DNAH5: variants seen among roughly 807,000 people sequenced by gnomAD.
DNAH5 encodes dynein axonemal heavy chain 5.
In DNAH5, 372 loss-of-function variants were observed where a neutral mutation model predicts 518.2. The ratio of observed to expected loss-of-function variants is 0.72; its 90% CI spans 0.66 to 0.78. The LOEUF is 0.78. Among genes scored for constraint, DNAH5 ranks in the 30% least tolerant of loss-of-function variants. The pLI is 0.00. For missense variants in DNAH5, 5,523 were observed against 5,687.0 expected (o/e 0.97, Z 0.93); for synonymous variants, 2,039 against 2,025.9 (o/e 1.01, Z -0.17).
At chr5:13,729,153 T>C (rs1746159200) in intron 69 of DNAH5, among the ~76,000 whole-genome samples, 1 of 152,212 alleles carries the variant, frequency 6.6e-6, no homozygotes, top group African/African-American at 2.4e-5. Context: ...ATTGGATCTA[T>C]CAGTTTTTCT....
At chr5:13,710,025 A>T (rs1743280463) in intron 75 of DNAH5, among the ~76,000 whole-genome samples, 1 of 152,156 alleles carries the variant, frequency 6.6e-6, no homozygotes, top group Non-Finnish European at 1.5e-5. Context: ...ACAGAGCATT[A>T]AACCACCAAA....
At chr5:13,946,558 T>C (rs1324937007), upstream of DNAH5, among the ~76,000 whole-genome samples, 2 of 152,192 alleles carry the variant, frequency 1.3e-5, no homozygotes, top group Non-Finnish European at 2.9e-5. Context: ...TCAAACATTG[T>C]TCGGTAGGAA....
intron 17 of DNAH5, among the ~76,000 whole-genome samples, chr5:13,886,364 T>G (rs750283835): frequency 6.6e-6 from 1 of 152,090 alleles, no homozygotes; most frequent in Non-Finnish European, 1.5e-5. Flanking sequence ...TTACAGGCAC[T>G]TCTCCACCAG....
Position 13,786,256 on chromosome 5 carries a change from G to T in DNAH5, c.8743C>A (p.Gln2915Lys). Residue 2915 changes from glutamine (Q) to lysine (K), a missense_variant, in exon 52 of 79, where the codon CAG (glutamine) becomes AAG (lysine). Coordinates refer to ENST00000265104, the MANE Select transcript of DNAH5 (RefSeq NM_001369.3). ...HLKERLNMFL[Q>K]LYNESIRGAG... ...CCACGGATGCTCTCATTATAGAGCT[G>T]CAGGAACATATTCAGACGCTCTTTT... The T allele has an allele frequency of 2.5e-6, 4 of 1,614,064 alleles. No individual in the cohort carries two copies. The East Asian group carries it at 8.9e-5, about 36-fold the overall frequency.
intron 22 of DNAH5, among the ~76,000 whole-genome samples, chr5:13,874,366 C>T (rs1375906863): frequency 6.6e-6 from 1 of 152,108 alleles, no homozygotes; most frequent in East Asian, 1.9e-4. Context: ...TTTAAAGTGT[C>T]TGTCTTTATT....
Position 13,928,161 on chromosome 5 carries a change from T to A in DNAH5, c.210A>T (p.Gln70His). 1 of 1,613,740 alleles carries A rather than the reference T, an allele frequency of 6.2e-7. No individual in the cohort carries two copies. Among genetic ancestry groups the A allele is most frequent in the Non-Finnish European group, 8.5e-7 (1 of 1,179,690 alleles). Residue 70 changes from glutamine to histidine, a missense_variant, in exon 3 of 79, where the codon CAA (glutamine) becomes CAT (histidine). By Grantham distance (24) the Gln-to-His change is conservative. This residue lies in a region of DNAH5 where 5,121 missense variants were observed against 5,223.3 expected (regional missense o/e 0.98). Coordinates refer to ENST00000265104, the MANE Select transcript of DNAH5 (RefSeq NM_001369.3). ...LEGNQIERID[Q>H]LFAVGGLRHL... ...GTCGGAGACCTCCAACAGCAAAAAG[T>A]TGATCAATTCTTTCAATCTGGGAAA...
At chr5:14,011,498 ACT>A (rs1438228677) in intron 1 of DNAH5, among the ~76,000 whole-genome samples, 1 of 151,350 alleles carries the variant, frequency 6.6e-6, no homozygotes, top group Non-Finnish European at 1.5e-5. Context: ...TGGCCCCCAA[ACT>A]CTGAAAACCC....
At chr5:13,946,444 A>T (rs1779928856), upstream of DNAH5, among the ~76,000 whole-genome samples, 6 of 152,182 alleles carry the variant, frequency 3.9e-5, no homozygotes, top group South Asian at 1.2e-3. Flanking sequence ...AAGTTGTTGA[A>T]CAACACAAAC....
chr5:13,862,853 A>AAT (rs1768668702), intron 28 of DNAH5, 106 bp from the exon 29 acceptor site: 2 of 302,626 alleles, frequency 6.6e-6, no homozygotes, highest in Admixed American at 5.0e-5. Context: ...TATATATATA[A>AAT]ATATATATAT....
chr5:13,850,622 C>T (rs795527), intron 31 of DNAH5, 30 bp downstream of exon 31: 8 of 1,602,428 alleles, frequency 5.0e-6, no homozygotes, highest in East Asian at 4.5e-5. Flanking sequence ...TCAAGGATAC[C>T]GAGAGCTTTC....
intron 1 of DNAH5, among the ~76,000 whole-genome samples, chr5:13,958,345 G>A (rs1295079103): frequency 6.6e-6 from 1 of 152,108 alleles, no homozygotes; most frequent in Non-Finnish European, 1.5e-5. Context: ...CTTCTTGCAA[G>A]TTTAATTTGC....
intron 25 of DNAH5, among the ~76,000 whole-genome samples, 170 bp from the exon 26 acceptor site, chr5:13,866,452 C>G (rs1769267662): frequency 6.6e-6 from 1 of 152,050 alleles, no homozygotes; most frequent in Non-Finnish European, 1.5e-5. Flanking sequence ...ACATATGTTT[C>G]TAGTCTAAAA....
intron 78 of DNAH5, among the ~76,000 whole-genome samples, chr5:13,698,258 T>C (rs1382269333): frequency 6.6e-6 from 1 of 152,172 alleles, no homozygotes; most frequent in Non-Finnish European, 1.5e-5. Flanking sequence ...TATTTTGTTA[T>C]AGCAACAGAA....
At chr5:13,725,977 G>T (rs1265382862) in intron 70 of DNAH5, among the ~76,000 whole-genome samples, 2 of 152,188 alleles carry the variant, frequency 1.3e-5, no homozygotes, top group Non-Finnish European at 2.9e-5. Flanking sequence ...AGACACAAAT[G>T]TGTACCTCTC....
intron 52 of DNAH5, among the ~76,000 whole-genome samples, chr5:13,783,495 G>C (rs376630966): frequency 5.9e-5 from 9 of 152,208 alleles, no homozygotes; most frequent in African/African-American, 1.9e-4. Flanking sequence ...AATACACATG[G>C]GGGAGGCGCT....
At chr5:13,732,493 A>T (rs1338157214) in intron 68 of DNAH5, among the ~76,000 whole-genome samples, 3 of 152,038 alleles carry the variant, frequency 2.0e-5, no homozygotes, top group Non-Finnish European at 4.4e-5. Flanking sequence ...CAGTCTCCCA[A>T]GTAGCTGGGA....
chr5:13,891,569 C>T (rs2401850), intron 16 of DNAH5, among the ~76,000 whole-genome samples: 27,419 of 152,132 alleles, frequency 0.18, 2,808 homozygotes, highest in Middle Eastern at 0.24. Flanking sequence ...TGGGTGAATC[C>T]ATGTGCATTG....
At chr5:13,959,254 G>A (rs1378402446) in intron 1 of DNAH5, among the ~76,000 whole-genome samples, 1 of 152,166 alleles carries the variant, frequency 6.6e-6, no homozygotes, top group Non-Finnish European at 1.5e-5. Flanking sequence ...GTTCTCAATG[G>A]CTTTTAATTT....
intron 12 of DNAH5, among the ~76,000 whole-genome samples, chr5:13,905,468 T>A (rs955431426): frequency 6.6e-6 from 1 of 152,210 alleles, no homozygotes; most frequent in Non-Finnish European, 1.5e-5. Flanking sequence ...TCTCCAGAAC[T>A]GTAAGAAATA....
Sources: gnomAD v4.1 joint callset for allele counts (sites outside exome capture counted in the v4.1 genomes callset) on GRCh38, gnomAD v4.1.1 for gene constraint, gnomAD v4.1.1 regional missense constraint, MANE v1.5 for transcripts, NCBI Gene and HGNC (gene_info 2026-07-23, HGNC 2026-07-21) for gene names.